The following KIAA2012 variants were observed in gnomAD, a reference collection of about 807,000 sequenced individuals.
The protein encoded by KIAA2012 is uncharacterized protein KIAA2012.
Under a neutral mutation model 150.6 loss-of-function variants are expected in KIAA2012, and 125 were observed. That is an observed-to-expected ratio of 0.83 (90% CI 0.72 to 0.96). KIAA2012 has a LOEUF of 0.96. KIAA2012 is among the 40% of genes least tolerant of loss of function. KIAA2012 has a pLI of 0.00. For missense variants in KIAA2012, 1,219 were observed against 1,354.9 expected, an observed-to-expected ratio of 0.90 and a Z score of 1.57; for synonymous variants, 462 against 504.7, an observed-to-expected ratio of 0.92 and a Z score of 1.13.
intron 15 of KIAA2012, among the ~76,000 whole-genome samples, chr2:202,171,168 TAGAC>T (rs1691880667): frequency 6.8e-6 from 1 of 146,132 alleles, no homozygotes; most frequent in Non-Finnish European, 1.5e-5. Context: ...CATTCATACA[TAGAC>T]ACACACACAG....
intron 2 of KIAA2012, among the ~76,000 whole-genome samples, chr2:202,086,676 A>G (rs555258890): frequency 5.3e-5 from 8 of 152,298 alleles, no homozygotes; most frequent in Admixed American, 3.9e-4. Context: ...GCATTCGTTT[A>G]ATTCATAAGT....
At chr2:202,138,619 T>C (rs1437902616) in intron 13 of KIAA2012, 111 bp downstream of exon 13, 1 of 690,738 alleles carries the variant, frequency 1.4e-6, no homozygotes, top group African/African-American at 1.8e-5. Context: ...TGGGCCTCAT[T>C]TGCCTAATCA....
chr2:202,180,203 G>T (rs532220122), intron 15 of KIAA2012, among the ~76,000 whole-genome samples: 80 of 151,330 alleles, frequency 5.3e-4, no homozygotes, highest in African/African-American at 1.9e-3. Context: ...CCCGGGAGGC[G>T]GAGGTTGCGG....
At chr2:202,135,838 C>T (rs563572453) in intron 12 of KIAA2012, 4 of 166,610 alleles carry the variant, frequency 2.4e-5, no homozygotes, top group South Asian at 1.4e-4. Context: ...TTGAAGCTAA[C>T]GGGAGGCAGT....
chr2:202,196,464 G>T (rs377143250), intron 21 of KIAA2012, among the ~76,000 whole-genome samples: 3 of 152,002 alleles, frequency 2.0e-5, no homozygotes, highest in Non-Finnish European at 2.9e-5. Flanking sequence ...CAAAGTGCTG[G>T]GATTACAGGC....
chr2:202,090,572 A>C (rs917410968), intron 2 of KIAA2012, among the ~76,000 whole-genome samples, 198 bp from the exon 3 acceptor site: 17 of 152,232 alleles, frequency 1.1e-4, no homozygotes, highest in African/African-American at 4.1e-4. Context: ...TTCCAACTGC[A>C]AACCTGCAGG....
At chr2:202,170,468 G>A (rs1250320763) in intron 15 of KIAA2012, among the ~76,000 whole-genome samples, 1 of 152,054 alleles carries the variant, frequency 6.6e-6, no homozygotes, top group East Asian at 1.9e-4. Context: ...TTTAACCACC[G>A]ACTGCATGAA....
At chr2:202,137,254 G>C (rs1027443836) in intron 12 of KIAA2012, 1 of 151,736 alleles carries the variant, frequency 6.6e-6, no homozygotes. Flanking sequence ...TTCGTCAGTA[G>C]AGCCATGTGC....
chr2:202,167,507 T>C (rs1273479184), intron 15 of KIAA2012, among the ~76,000 whole-genome samples: 1 of 152,138 alleles, frequency 6.6e-6, no homozygotes, highest in Non-Finnish European at 1.5e-5. Flanking sequence ...TGGCAGCAAC[T>C]CAATTTAACC....
chr2:202,176,548 T>C (rs1691995813), intron 15 of KIAA2012, among the ~76,000 whole-genome samples: 1 of 152,164 alleles, frequency 6.6e-6, no homozygotes, highest in South Asian at 2.1e-4. Flanking sequence ...CAACATGAAG[T>C]TAAAAGCCAA....
intron 15 of KIAA2012, among the ~76,000 whole-genome samples, chr2:202,184,190 C>A (rs1211787407): frequency 3.9e-5 from 6 of 151,966 alleles, no homozygotes; most frequent in African/African-American, 1.5e-4. Flanking sequence ...TCAAGACCAG[C>A]CTGGCCAATA....
chr2:202,103,060 G>A lies in KIAA2012; in HGVS notation c.1270G>A (p.Val424Met), dbSNP rs770555393. 1.9e-5 allele frequency: 30 copies of A among 1,550,526 alleles called. No individual in the cohort carries two copies. The South Asian group carries it at 3.5e-4, about 18-fold the overall frequency. The stretch of plus-strand genomic sequence containing the variant: ...CCCAACAGAGCTCTTCATCTTACCG[G>A]TGGAGATTCATTACCACACCAAACA... ...EPPTELFILPVEIHYHTKQPP... is the reference protein window; with the variant it reads ...EPPTELFILPMEIHYHTKQPP... Residue 424 changes from valine (V) to methionine (M), a missense_variant, in exon 8 of 24, where the codon GTG (valine) becomes ATG (methionine). Transcript: ENST00000498697.
At chr2:202,165,246 A>G in intron 14 of KIAA2012, 38 bp from the exon 15 acceptor site, 1 of 1,528,134 alleles carries the variant, frequency 6.5e-7, no homozygotes, top group Non-Finnish European at 8.9e-7. Context: ...TGCATTTATT[A>G]TGTCTAATGT....
intron 13 of KIAA2012, among the ~76,000 whole-genome samples, chr2:202,143,984 C>T (rs1228463578): frequency 1.3e-5 from 2 of 152,206 alleles, no homozygotes; most frequent in Non-Finnish European, 2.9e-5. Flanking sequence ...ATAGAGCTGT[C>T]AGGGCAGAGG....
chr2:202,173,906 T>C (rs1389344082), intron 15 of KIAA2012, among the ~76,000 whole-genome samples: 1 of 152,216 alleles, frequency 6.6e-6, no homozygotes, highest in African/African-American at 2.4e-5. Context: ...AGAGTATCCA[T>C]GAAAAACCTA....
chr2:202,120,795 C>T (rs1690636834), intron 11 of KIAA2012, among the ~76,000 whole-genome samples: 1 of 152,152 alleles, frequency 6.6e-6, no homozygotes, highest in African/African-American at 2.4e-5. Flanking sequence ...ACAGAGAACA[C>T]ATTTGGTACT....
chr2:202,108,601 T>C (rs1408258936), intron 9 of KIAA2012, among the ~76,000 whole-genome samples: 1 of 152,198 alleles, frequency 6.6e-6, no homozygotes, highest in East Asian at 1.9e-4. Flanking sequence ...TCGATTTGGA[T>C]TTTTCTATTT....
intron 22 of KIAA2012, among the ~76,000 whole-genome samples, chr2:202,200,709 T>TTTTTTC (rs1692502322): frequency 6.8e-6 from 1 of 146,658 alleles, no homozygotes; most frequent in Non-Finnish European, 1.5e-5. Context: ...TTTTGGAACT[T>TTTTTTC]TTTTTTTTTT....
intron 4 of KIAA2012, among the ~76,000 whole-genome samples, chr2:202,095,049 C>T (rs1287353425): frequency 5.9e-5 from 9 of 152,180 alleles, no homozygotes. Flanking sequence ...ATCTTTATCT[C>T]ACAGTGTTGC....
Sources: gnomAD v4.1 joint callset for allele counts (sites outside exome capture counted in the v4.1 genomes callset) on GRCh38, gnomAD v4.1.1 for gene constraint, MANE v1.5 for transcripts, NCBI Gene and HGNC (gene_info 2026-07-23, HGNC 2026-07-21) for gene names.